Variants in CACNA1S observed in about 807,000 individuals in gnomAD.
CACNA1S encodes voltage-dependent L-type calcium channel subunit alpha-1S.
Under a neutral mutation model 207.4 loss-of-function variants are expected in CACNA1S, and 126 were observed. That is an observed-to-expected ratio of 0.61 (90% CI 0.53 to 0.70). The LOEUF (loss-of-function observed/expected upper bound fraction) is 0.70. CACNA1S is among the 30% of genes least tolerant of loss of function. CACNA1S has a pLI of 0.00. For synonymous variants in CACNA1S, 960 were observed against 932.7 expected, an observed-to-expected ratio of 1.03 and a Z score of -0.53; for missense variants, 2,349 against 2,422.8, an observed-to-expected ratio of 0.97 and a Z score of 0.64.
chr1:201,098,048 GT>G (rs1005544355), intron 2 of CACNA1S, among the ~76,000 whole-genome samples: 1 of 152,196 alleles, frequency 6.6e-6, no homozygotes, highest in South Asian at 2.1e-4. Context: ...AGCCTGATTT[GT>G]TTTTGTTTTT....
chr1:201,040,269 T>C lies in CACNA1S; in HGVS notation c.5332A>G (p.Arg1778Gly). Reference sequence around the variant, plus strand: ...AGGGCTGTAGCTGGTGCTGAGCACCTGGAAGTATTCTCCCTGGTGCTCCTG... The same window carrying C: ...AGGGCTGTAGCTGGTGCTGAGCACCCGGAAGTATTCTCCCTGGTGCTCCTG... ...HSRSTRENTS[R>G]CSAPATALLI... Residue 1778 changes from arginine (R) to glycine (G), a missense_variant, in exon 43 of 44, where the codon AGG (arginine) becomes GGG (glycine). Coordinates refer to ENST00000362061, the MANE Select transcript of CACNA1S (RefSeq NM_000069.3). 6.2e-7 allele frequency: 1 copy of C among 1,613,868 alleles called. No homozygotes were observed. The highest frequency in any genetic ancestry group is 8.5e-7 in the Non-Finnish European group (1 of 1,179,952).
At chr1:201,052,427 A>T (rs1273068614) in intron 32 of CACNA1S, 130 bp downstream of exon 32, 1 of 711,516 alleles carries the variant, frequency 1.4e-6, no homozygotes, top group Admixed American at 2.0e-5. Context: ...GACCCTTCTG[A>T]GTATAGGACC....
rs761663937 is a variant in CACNA1S at position 201,074,467 on chromosome 1, T to C, written c.2063+39A>G. 2.3e-6 allele frequency: 3 copies of C among 1,327,768 alleles called. No homozygotes were observed. The Admixed American group carries it at 5.2e-5, about 23-fold the overall frequency. 82.2% of individuals were successfully genotyped at this position (1,327,768 alleles called of 1,614,324 possible). On this transcript the variant is annotated intron_variant, in intron 14 of 43. Coordinates refer to ENST00000362061, the MANE Select transcript of CACNA1S (RefSeq NM_000069.3). ...AGAGCTGGAAGGCCATGGCCACGACTGAGCACTCCAGGTCCCTTCCTGCTA... is the reference window on the plus strand; with the variant it reads ...AGAGCTGGAAGGCCATGGCCACGACCGAGCACTCCAGGTCCCTTCCTGCTA...
chr1:201,040,556 A>T lies in CACNA1S; in HGVS notation c.5226+66T>A, dbSNP rs902956391. On this transcript the variant is annotated intron_variant, in intron 42 of 43. Coordinates refer to ENST00000362061, the MANE Select transcript of CACNA1S (RefSeq NM_000069.3). ...CACAGCCTTCCCCTGCCATGATCCC[A>T]CTCCAAGTATCAGGCCAGGCAGGGT... 3 of 1,502,234 alleles carry T rather than the reference A, an allele frequency of 2.0e-6. No homozygotes were observed. The Admixed American group carries it at 5.0e-5, about 25-fold the overall frequency. 93.1% of individuals were successfully genotyped at this position (1,502,234 alleles called of 1,614,324 possible). A position where few individuals can be genotyped will look rare whatever the true frequency, so the allele number is the denominator to read the frequency against.
rs1033304389 is a variant in CACNA1S at position 201,062,809 on chromosome 1, C to T, written c.2854-295G>A. On this transcript the variant is annotated intron_variant, in intron 22 of 43. Coordinates refer to ENST00000362061, the MANE Select transcript of CACNA1S (RefSeq NM_000069.3). ...GCCTCAGAGGGGCATTTACTGAGTG[C>T]CCCCTGATGGGCTGAGGGGATGGAC... Among the ~76,000 whole-genome samples, 3 of 152,242 alleles carry T rather than the reference C, an allele frequency of 2.0e-5. No individual in the cohort carries two copies. In the South Asian group the frequency reaches 6.2e-4, roughly 31 times the overall value.
intron 2 of CACNA1S, among the ~76,000 whole-genome samples, chr1:201,097,802 G>C (rs78247875): frequency 0.072 from 10,933 of 152,186 alleles, 525 homozygotes; most frequent in Non-Finnish European, 0.11. Flanking sequence ...TTTATGGCTT[G>C]AGAAGGCACC....
chr1:201,040,412 G>A (rs940190136), intron 42 of CACNA1S, 38 bp from the exon 43 acceptor site: 1 of 1,609,018 alleles, frequency 6.2e-7, no homozygotes, highest in Non-Finnish European at 8.5e-7. Flanking sequence ...CCCGACAGGG[G>A]TGCTGGAGCC....
chr1:201,107,622 C>T (rs957471274), intron 2 of CACNA1S, among the ~76,000 whole-genome samples: 3 of 152,306 alleles, frequency 2.0e-5, no homozygotes, highest in Admixed American at 6.5e-5. Context: ...TTGAAAGCTA[C>T]GGGTTATTCT....
At chr1:201,054,603 AGAG>A (rs774026434) in intron 28 of CACNA1S, 42 bp from the exon 29 acceptor site, 2 of 1,545,768 alleles carry the variant, frequency 1.3e-6, no homozygotes, top group African/African-American at 1.4e-5. Context: ...GAGAGGAGAG[AGAG>A]GAGGAGGGAC....
chr1:201,095,681 T>C lies in CACNA1S; in HGVS notation c.259-1660A>G, dbSNP rs531808583. Reference sequence around the variant, plus strand: ...TGTGATCCCAAAGCTTTCCCCTTCTTCCAGAAAATGGTAATGTGATGATTA... The same window carrying C: ...TGTGATCCCAAAGCTTTCCCCTTCTCCCAGAAAATGGTAATGTGATGATTA... On this transcript the variant is annotated intron_variant, in intron 2 of 43. Coordinates refer to ENST00000362061, the MANE Select transcript of CACNA1S (RefSeq NM_000069.3). Among the ~76,000 whole-genome samples the C allele has an allele frequency of 2.0e-5, 3 of 152,336 alleles. No individual in the cohort carries two copies. The South Asian group carries it at 6.2e-4, about 32-fold the overall frequency.
chr1:201,054,205 G>C (rs769574158), intron 29 of CACNA1S, among the ~76,000 whole-genome samples: 1 of 152,190 alleles, frequency 6.6e-6, no homozygotes, highest in Non-Finnish European at 1.5e-5. Context: ...TGTCACTAAG[G>C]TCCTTTGCCA....
intron 2 of CACNA1S, among the ~76,000 whole-genome samples, chr1:201,101,042 A>G (rs1159544106): frequency 2.2e-5 from 3 of 136,232 alleles, no homozygotes; most frequent in African/African-American, 8.3e-5. Flanking sequence ...AGCGTTTTAC[A>G]TTTCTTTATT....
intron 34 of CACNA1S, 28 bp from the exon 35 acceptor site, chr1:201,049,127 C>T: frequency 6.6e-7 from 1 of 1,504,928 alleles, no homozygotes; most frequent in Non-Finnish European, 9.2e-7. Flanking sequence ...GACTTGTGTA[C>T]CTGCTACCCT....
At chr1:201,054,046 C>G (rs897125046) in intron 29 of CACNA1S, among the ~76,000 whole-genome samples, 12 of 152,200 alleles carry the variant, frequency 7.9e-5, no homozygotes, top group Non-Finnish European at 1.6e-4. Flanking sequence ...AATGTGGCTA[C>G]TCCCCATCAC....
chr1:201,064,438 A>G (rs919018658), intron 22 of CACNA1S, among the ~76,000 whole-genome samples: 3 of 152,230 alleles, frequency 2.0e-5, no homozygotes, highest in Non-Finnish European at 4.4e-5. Context: ...TGCTTCTCTC[A>G]GAGCCTGTTC....
intron 22 of CACNA1S, among the ~76,000 whole-genome samples, chr1:201,064,351 C>G (rs1371953163): frequency 6.6e-6 from 1 of 152,204 alleles, no homozygotes; most frequent in African/African-American, 2.4e-5. Context: ...ATAAACACTC[C>G]CATCCCTCCC....
intron 37 of CACNA1S, 72 bp downstream of exon 37, chr1:201,047,453 G>T: frequency 7.3e-7 from 1 of 1,368,308 alleles, no homozygotes; most frequent in Non-Finnish European, 1.0e-6. Flanking sequence ...TTCCCATGGG[G>T]CTCCTTGGAG....
Position 201,075,498 on chromosome 1 carries a change from T to C in CACNA1S, c.1945A>G (p.Asn649Asp). Residue 649 changes from asparagine to aspartate, a missense_variant, in exon 13 of 44, where the codon AAC becomes GAC. Asn to Asp is a conservative substitution (Grantham distance 23). Coordinates refer to ENST00000362061, the MANE Select transcript of CACNA1S (RefSeq NM_000069.3). The stretch of plus-strand genomic sequence containing the variant: ...CACCCTGCTCCCGAGAGGATACAGT[T>C]GCCACAGACGAAAAGGATGATGAAG... ...IYFIILFVCG[N>D]YILLNVFLAI... is the part of the protein sequence containing the mutation. 1 of 1,613,728 alleles carries C rather than the reference T, an allele frequency of 6.2e-7. No homozygotes were observed. Among genetic ancestry groups the C allele is most frequent in the Non-Finnish European group, 8.5e-7 (1 of 1,179,944 alleles).
intron 28 of CACNA1S, among the ~76,000 whole-genome samples, chr1:201,055,984 T>G (rs1660825480): frequency 6.6e-6 from 1 of 152,056 alleles, no homozygotes; most frequent in Non-Finnish European, 1.5e-5. Flanking sequence ...TGTCAAACCA[T>G]GGAGGCTTTT....
Sources: gnomAD v4.1 joint callset for allele counts (sites outside exome capture counted in the v4.1 genomes callset) on GRCh38, gnomAD v4.1.1 for gene constraint, MANE v1.5 for transcripts, NCBI Gene and HGNC (gene_info 2026-07-23, HGNC 2026-07-21) for gene names.